ADAMTSL1: variants seen among roughly 807,000 people sequenced by gnomAD.
ADAMTSL1 encodes the protein ADAMTS like 1.
ADAMTSL1 carries 126 observed loss-of-function variants against 201.8 expected under a neutral mutation model. The ratio of observed to expected loss-of-function variants is 0.62; its 90% CI spans 0.54 to 0.72. The LOEUF (loss-of-function observed/expected upper bound fraction) is 0.72, where lower values mean the gene tolerates loss of function less well. Ranked by LOEUF, ADAMTSL1 falls within the 30% of genes least tolerant of loss-of-function variation. The pLI, the probability that ADAMTSL1 is intolerant of heterozygous loss-of-function variation, is 0.00. For synonymous variants in ADAMTSL1, 1,121 were observed against 903.4 expected (o/e 1.24, Z -4.32); for missense variants, 2,679 against 2,277.8 (o/e 1.18, Z -3.59).
At chr9:18,266,618 A>G (rs1832126322) in intron 2 of ADAMTSL1, among the ~76,000 whole-genome samples, 1 of 152,208 alleles carries the variant, frequency 6.6e-6, no homozygotes, top group Non-Finnish European at 1.5e-5. Context: ...ATATAAAGCC[A>G]GAACAAATTC....
intron 23 of ADAMTSL1, among the ~76,000 whole-genome samples, chr9:18,861,318 C>G (rs151074504): frequency 6.6e-6 from 1 of 152,346 alleles, no homozygotes; most frequent in Non-Finnish European, 1.5e-5. Flanking sequence ...AGCATGTGCT[C>G]TGCCTCATCC....
At chr9:17,926,679 G>A (rs1486963429) in intron 1 of ADAMTSL1, among the ~76,000 whole-genome samples, 1 of 152,168 alleles carries the variant, frequency 6.6e-6, no homozygotes, top group African/African-American at 2.4e-5. Context: ...AATTCAAGAG[G>A]ATTGTAAGTG....
intron 2 of ADAMTSL1, among the ~76,000 whole-genome samples, chr9:18,521,271 G>A (rs748612505): frequency 6.6e-6 from 1 of 151,746 alleles, no homozygotes; most frequent in Admixed American, 6.6e-5. Context: ...AGAGAGGAGG[G>A]GCCTCAAAGT....
rs866935486 is a variant in ADAMTSL1, at chr9:17,979,985, G to A, written c.87+73063G>A. ...GCTTGGAACCGTGGAAACCAGCTTGGCATTGAAATTCAATAGGGTGAGCAT... is the reference window on the plus strand; with the variant it reads ...GCTTGGAACCGTGGAAACCAGCTTGACATTGAAATTCAATAGGGTGAGCAT... On this transcript the variant is annotated intron_variant, in intron 1 of 29. Transcript: ENST00000680146. Among the ~76,000 whole-genome samples the A allele has an allele frequency of 3.0e-4, 46 of 152,222 alleles. 1 individual carries two copies. The highest frequency in any genetic ancestry group is 8.5e-4 in the Admixed American group (13 of 15,284).
chr9:18,369,097 T>A (rs965268080), intron 2 of ADAMTSL1, among the ~76,000 whole-genome samples: 1 of 152,212 alleles, frequency 6.6e-6, no homozygotes, highest in Non-Finnish European at 1.5e-5. Flanking sequence ...ATCTATTAAC[T>A]ATAGTTTATA....
chr9:17,917,822 C>G (rs998980824), intron 1 of ADAMTSL1, among the ~76,000 whole-genome samples: 2 of 151,888 alleles, frequency 1.3e-5, no homozygotes, highest in African/African-American at 4.8e-5. Flanking sequence ...GGTGTGAGAA[C>G]TGTTTAATTA....
intron 23 of ADAMTSL1, among the ~76,000 whole-genome samples, chr9:18,837,715 C>T (rs1825405272): frequency 1.3e-5 from 2 of 152,140 alleles, no homozygotes. Context: ...ATTAATTTAC[C>T]CAAGTGTTCT....
At chr9:18,511,166 C>T (rs1039877031) in intron 2 of ADAMTSL1, among the ~76,000 whole-genome samples, 2 of 152,070 alleles carry the variant, frequency 1.3e-5, no homozygotes, top group Admixed American at 6.6e-5. Context: ...TGATGTGAAC[C>T]TTTGCACTGG....
At chr9:18,460,744 G>A (rs1453319581) in intron 2 of ADAMTSL1, among the ~76,000 whole-genome samples, 2 of 152,128 alleles carry the variant, frequency 1.3e-5, no homozygotes, top group African/African-American at 4.8e-5. Context: ...TTACCCATGA[G>A]AAGCCTCCAA....
At chr9:18,520,551 T>C (rs1818630398) in intron 2 of ADAMTSL1, among the ~76,000 whole-genome samples, 1 of 152,214 alleles carries the variant, frequency 6.6e-6, no homozygotes, top group Non-Finnish European at 1.5e-5. Flanking sequence ...CACTCTCCTC[T>C]GATCAGTTTA....
intron 1 of ADAMTSL1, among the ~76,000 whole-genome samples, chr9:18,071,135 AGATG>A (rs1320935160): frequency 6.6e-6 from 1 of 152,230 alleles, no homozygotes; most frequent in African/African-American, 2.4e-5. Context: ...TTAAGTTTTG[AGATG>A]AGCATTCTGT....
intron 23 of ADAMTSL1, among the ~76,000 whole-genome samples, chr9:18,882,219 C>T (rs1828576576): frequency 6.6e-6 from 1 of 152,064 alleles, no homozygotes; most frequent in African/African-American, 2.4e-5. Flanking sequence ...TGAAAGATTC[C>T]CTGACAAATG....
intron 2 of ADAMTSL1, among the ~76,000 whole-genome samples, chr9:18,183,515 A>G (rs1489908362): frequency 7.9e-5 from 12 of 152,160 alleles, no homozygotes; most frequent in African/African-American, 2.9e-4. Flanking sequence ...TGAACTTAAA[A>G]CTCAACAATA....
rs893800759 is a variant in ADAMTSL1, at chr9:18,374,486, C to A, written c.208-130343C>A. Among the ~76,000 whole-genome samples the A allele has an allele frequency of 7.2e-5, 11 of 152,074 alleles. No individual in the cohort carries two copies. The South Asian group carries it at 2.1e-3, about 29-fold the overall frequency. On this transcript the variant is annotated intron_variant, in intron 2 of 29. Coordinates refer to the ADAMTSL1 transcript ENST00000680146. ...TAGCTGGGAATACAGATTTGCACCA[C>A]CTCACCTGGCTAATTTTTGTATTTG... is the stretch of plus-strand genomic sequence containing the variant.
chr9:18,499,595 C>T (rs769820355), intron 1 of ADAMTSL1, among the ~76,000 whole-genome samples: 1 of 152,168 alleles, frequency 6.6e-6, no homozygotes, highest in Non-Finnish European at 1.5e-5. Context: ...GGGGGAGTTG[C>T]CCCTCTTTTT....
At chr9:18,304,764 T>G (rs80219046) in intron 2 of ADAMTSL1, among the ~76,000 whole-genome samples, 2 of 152,176 alleles carry the variant, frequency 1.3e-5, no homozygotes, top group African/African-American at 4.8e-5. Context: ...TTGAGGCATA[T>G]TCCATAACTC....
At position 18,635,954 on chromosome 9, in the gene ADAMTSL1, G is replaced by C. The variant is rs529330575; in HGVS notation, c.613G>C (p.Val205Leu). The change falls in exon 6 of 29, where the codon GTG becomes CTG. Residue 205 changes from valine to leucine, a missense_variant. By Grantham distance (32) the Val-to-Leu change is conservative. Coordinates refer to ENST00000380548, the MANE Select transcript of ADAMTSL1 (RefSeq NM_001040272.6). ...QLSATKSDDT[V>L]VAIPYGSRHI... ...TTGTTTCTCTCTAGCGGATGATACTGTGGTTGCAATTCCCTATGGAAGTAG... is the reference window on the plus strand; with the variant it reads ...TTGTTTCTCTCTAGCGGATGATACTCTGGTTGCAATTCCCTATGGAAGTAG... 1 of 1,601,836 alleles carries C rather than the reference G, an allele frequency of 6.2e-7. No individual in the cohort carries two copies. The highest frequency in any genetic ancestry group is 8.5e-7 in the Non-Finnish European group (1 of 1,177,242).
At chr9:18,355,973 C>T (rs1376225345) in intron 2 of ADAMTSL1, among the ~76,000 whole-genome samples, 1 of 152,258 alleles carries the variant, frequency 6.6e-6, no homozygotes, top group South Asian at 2.1e-4. Flanking sequence ...CTACCTGCTG[C>T]AGGAGATGGC....
chr9:18,276,693 G>T (rs565555288), intron 2 of ADAMTSL1, among the ~76,000 whole-genome samples: 1 of 152,326 alleles, frequency 6.6e-6, no homozygotes. Context: ...AGGAGGTGGT[G>T]TATATCACAT....
Sources: allele counts gnomAD v4.1 joint callset (sites outside exome capture counted in the v4.1 genomes callset), GRCh38; gene constraint gnomAD v4.1.1; transcripts MANE v1.5; gene names NCBI Gene and HGNC (gene_info 2026-07-23, HGNC 2026-07-21).